The following BAZ2B variants were observed in gnomAD, a reference collection of about 807,000 sequenced individuals.
BAZ2B encodes bromodomain adjacent to zinc finger domain 2B.
A neutral mutation model predicts 246.0 loss-of-function variants in BAZ2B; 91 were observed. The observed-to-expected ratio is 0.37, with a 90% CI of 0.31 to 0.44. The LOEUF is 0.44. Ranked by LOEUF, BAZ2B falls within the 20% of genes least tolerant of loss-of-function variation. The pLI, the probability that BAZ2B is intolerant of heterozygous loss-of-function variation, is 1.00. For synonymous variants in BAZ2B, 855 were observed against 860.0 expected, an observed-to-expected ratio of 0.99 and a Z score of 0.10; for missense variants, 2,332 against 2,533.7, an observed-to-expected ratio of 0.92 and a Z score of 1.71.
intron 13 of BAZ2B, among the ~76,000 whole-genome samples, chr2:159,415,769 G>T (rs1485595425): frequency 6.6e-6 from 1 of 152,092 alleles, no homozygotes; most frequent in Non-Finnish European, 1.5e-5. Context: ...CCTAACCTGG[G>T]GCAAGAAGTC....
At chr2:159,545,649 G>C (rs563713908) in intron 2 of BAZ2B, among the ~76,000 whole-genome samples, 3 of 152,026 alleles carry the variant, frequency 2.0e-5, no homozygotes, top group Non-Finnish European at 4.4e-5. Context: ...GTCACTACTA[G>C]GAAAAAGTAC....
chr2:159,704,953 C>T, the BAZ2B span, among the ~76,000 whole-genome samples: 1 of 151,960 alleles, frequency 6.6e-6, no homozygotes, highest in Admixed American at 6.6e-5. Flanking sequence ...CCGCCCAGTT[C>T]GGCCTCCCAA....
rs373821194 is a variant in BAZ2B at position 159,356,108 on chromosome 2, C to T, written c.4214-5751G>A. Among the ~76,000 whole-genome samples, 13 of 152,228 alleles carry T rather than the reference C, an allele frequency of 8.5e-5. No homozygotes were observed. In the East Asian group the frequency reaches 2.3e-3, roughly 27 times the overall value. ...AGCTGCAAGAGTTTTTTTTCATACC[C>T]CAGTGGTGCCTGGAGTGCCAGCGAG... On this transcript the variant is annotated intron_variant, in intron 27 of 36. Coordinates refer to ENST00000392783, the MANE Select transcript of BAZ2B (RefSeq NM_013450.4).
chr2:159,674,350 A>G, the BAZ2B span, among the ~76,000 whole-genome samples: 1 of 142,034 alleles, frequency 7.0e-6, no homozygotes, highest in Non-Finnish European at 1.5e-5. Flanking sequence ...AAAAAAAAAA[A>G]GAAAGAAAGA....
chr2:159,362,790 T>A (rs1441313098), intron 27 of BAZ2B, among the ~76,000 whole-genome samples: 1 of 152,148 alleles, frequency 6.6e-6, no homozygotes, highest in East Asian at 1.9e-4. Flanking sequence ...TGAAATTAAG[T>A]TCTATCTCTT....
intron 2 of BAZ2B, among the ~76,000 whole-genome samples, chr2:159,551,320 T>A (rs1156861550): frequency 1.3e-5 from 2 of 151,782 alleles, no homozygotes; most frequent in Non-Finnish European, 2.9e-5. Flanking sequence ...ATACAAAAAA[T>A]TAGCTGGGCG....
intron 21 of BAZ2B, 90 bp downstream of exon 21, chr2:159,389,255 T>C (rs1291117976): frequency 2.3e-6 from 3 of 1,308,096 alleles, no homozygotes. Flanking sequence ...TGAAAGGCTT[T>C]CACAATAGCA....
intron 1 of BAZ2B, among the ~76,000 whole-genome samples, chr2:159,584,000 T>C (rs1485851282): frequency 1.3e-5 from 2 of 152,000 alleles, no homozygotes; most frequent in Non-Finnish European, 2.9e-5. Flanking sequence ...TATTAAGAAA[T>C]AGGGGAGAGG....
chr2:159,321,149 C>T (rs2062667850), intron 36 of BAZ2B, among the ~76,000 whole-genome samples: 1 of 152,172 alleles, frequency 6.6e-6, no homozygotes, highest in Non-Finnish European at 1.5e-5. Flanking sequence ...AATGAATCTG[C>T]ATAAGCTTAT....
intron 3 of BAZ2B, chr2:159,461,172 A>G (rs2076363405): frequency 2.0e-5 from 3 of 152,402 alleles, no homozygotes; most frequent in Non-Finnish European, 2.9e-5. Flanking sequence ...GCAGGAAGAC[A>G]TTACTTGTTT....
chr2:159,350,582 T>G (rs2058444895), intron 27 of BAZ2B, among the ~76,000 whole-genome samples: 1 of 152,104 alleles, frequency 6.6e-6, no homozygotes, highest in South Asian at 2.1e-4. Context: ...TTACATTTTA[T>G]TTTGAGATGG....
At position 159,349,128 on chromosome 2, in the gene BAZ2B, A is replaced by G. The variant is rs774082704; in HGVS notation, c.5016T>C (p.Asn1672=). 5.0e-6 allele frequency: 8 copies of G among 1,614,120 alleles called. No homozygotes were observed. Among genetic ancestry groups the G allele is most frequent in the Non-Finnish European group, 6.8e-6 (8 of 1,179,974 alleles). The stretch of plus-strand genomic sequence containing the variant: ...GAGATTCACTTTTACTTGAAGCAAC[A>G]TTGGAAGTCAAGAATGAATTACCAT... ...EGNGNSFLTS[N]VASSKSESPV... is the part of the protein sequence containing the mutation. Residue 1672 remains asparagine (N), a synonymous_variant, in exon 29 of 37, where the codon AAT becomes AAC. Transcript: ENST00000392783.
At chr2:159,615,807 CG>C (rs900911592) in intron 1 of BAZ2B, 3 of 152,478 alleles carry the variant, frequency 2.0e-5, no homozygotes, top group Admixed American at 2.0e-4. Context: ...GAAGGAGACG[CG>C]AAGCCAGGGC....
rs2060734764 is a variant in BAZ2B at position 159,370,548 on chromosome 2, A to G, written c.4213+2497T>C. Among the ~76,000 whole-genome samples the G allele has an allele frequency of 2.0e-5, 3 of 150,656 alleles. No individual in the cohort carries two copies. In the South Asian group the frequency reaches 6.3e-4, roughly 32 times the overall value. On this transcript the variant is annotated intron_variant, in intron 27 of 36. Coordinates refer to ENST00000392783, the MANE Select transcript of BAZ2B (RefSeq NM_013450.4). ...ACCACGCCCGGCTAATGTTTTTTGT[A>G]TTTTTAGTAGAGACGGGGTTTCACC...
chr2:159,405,194 A>G, intron 14 of BAZ2B, 80 bp from the exon 15 acceptor site: 1 of 1,218,678 alleles, frequency 8.2e-7, no homozygotes, highest in Non-Finnish European at 1.2e-6. Context: ...TGAAAATGGT[A>G]TCATCATAAA....
At chr2:159,626,668 G>C in the BAZ2B span, among the ~76,000 whole-genome samples, 1 of 152,152 alleles carries the variant, frequency 6.6e-6, no homozygotes, top group Non-Finnish European at 1.5e-5. Context: ...ATTTAAAGCA[G>C]TGTGTAGAGG....
chr2:159,352,642 T>C (rs561336924), intron 27 of BAZ2B, among the ~76,000 whole-genome samples: 1 of 152,238 alleles, frequency 6.6e-6, no homozygotes, highest in East Asian at 1.9e-4. Flanking sequence ...CACACCACCA[T>C]GTCCAAGTAA....
chr2:159,572,247 T>C (rs192514100), intron 1 of BAZ2B, among the ~76,000 whole-genome samples: 6 of 152,334 alleles, frequency 3.9e-5, no homozygotes, highest in East Asian at 1.9e-4. Flanking sequence ...CTGATAAGTA[T>C]AGCACTTTCC....
intron 2 of BAZ2B, among the ~76,000 whole-genome samples, chr2:159,533,557 C>T (rs1304394821): frequency 3.3e-5 from 5 of 151,970 alleles, no homozygotes; most frequent in Non-Finnish European, 7.4e-5. Context: ...CTTTCAAAAT[C>T]CCTTCTTAAT....
Sources: allele counts gnomAD v4.1 joint callset (sites outside exome capture counted in the v4.1 genomes callset), GRCh38; gene constraint gnomAD v4.1.1; transcripts MANE v1.5; gene names NCBI Gene and HGNC (gene_info 2026-07-23, HGNC 2026-07-21).